LARS2: variants seen among roughly 807,000 people sequenced by gnomAD.
LARS2 encodes leucine--tRNA ligase, mitochondrial.
Under a neutral mutation model 116.6 loss-of-function variants are expected in LARS2, and 81 were observed. That is an observed-to-expected ratio of 0.69 (90% confidence interval 0.58 to 0.84). The LOEUF (loss-of-function observed/expected upper bound fraction) is 0.84. LARS2 is among the 40% of genes least tolerant of loss of function. The pLI is 0.00. For synonymous variants in LARS2, 396 were observed against 407.2 expected (o/e 0.97, Z 0.33); for missense variants, 968 against 1,114.5 (o/e 0.87, Z 1.87).
chr3:45,526,133 TA>T (rs1700527940), intron 20 of LARS2, among the ~76,000 whole-genome samples: 1 of 152,238 alleles, frequency 6.6e-6, no homozygotes, highest in African/African-American at 2.4e-5. Flanking sequence ...AGACAGTTTT[TA>T]AGTTTCTCAC....
intron 8 of LARS2, among the ~76,000 whole-genome samples, chr3:45,463,802 CAT>C (rs1466635791): frequency 6.6e-6 from 1 of 152,064 alleles, no homozygotes; most frequent in Non-Finnish European, 1.5e-5. Flanking sequence ...CAGTGGTAGA[CAT>C]GAGCTGTCAC....
chr3:45,458,787 T>C lies in LARS2; in HGVS notation c.651T>C (p.Asn217=), dbSNP rs201294362. 1.9e-6 allele frequency: 3 copies of C among 1,614,044 alleles called. No homozygotes were observed. The East Asian group carries it at 6.7e-5, about 36-fold the overall frequency. The change falls in exon 8 of 22, where the codon AAT becomes AAC. Residue 217 remains asparagine, a synonymous_variant. Coordinates refer to ENST00000645846, the MANE Select transcript of LARS2 (RefSeq NM_015340.4). ...WDPVDQTVLA[N]EQVDEHGCSW... is the part of the protein sequence containing the mutation. ...CAGTGGATCAAACAGTGCTTGCCAA[T>C]GAGCAGGTGGATGAACATGGCTGTT...
chr3:45,464,448 TTCTGC>T (rs1160226256), intron 8 of LARS2, among the ~76,000 whole-genome samples: 6 of 152,322 alleles, frequency 3.9e-5, no homozygotes, highest in African/African-American at 9.6e-5. Flanking sequence ...TTGCCTGGCT[TTCTGC>T]TCGTAACTTC....
At chr3:45,469,082 C>T (rs1256111622) in intron 8 of LARS2, among the ~76,000 whole-genome samples, 1 of 152,210 alleles carries the variant, frequency 6.6e-6, no homozygotes, top group Non-Finnish European at 1.5e-5. Flanking sequence ...ATATCATTAG[C>T]AGGATGCCTT....
intron 14 of LARS2, among the ~76,000 whole-genome samples, chr3:45,498,213 C>T (rs1193831276): frequency 6.6e-6 from 1 of 152,192 alleles, no homozygotes; most frequent in Non-Finnish European, 1.5e-5. Context: ...ATCCTGAGAC[C>T]GTCACAGCCC....
intron 10 of LARS2, among the ~76,000 whole-genome samples, chr3:45,478,354 C>T (rs926754524): frequency 3.9e-5 from 6 of 152,308 alleles, no homozygotes; most frequent in Non-Finnish European, 7.3e-5. Context: ...CTAGCCCTTA[C>T]ATTTTCTCTT....
chr3:45,501,320 C>G (rs1700117755), intron 15 of LARS2, among the ~76,000 whole-genome samples: 1 of 150,782 alleles, frequency 6.6e-6, no homozygotes, highest in Non-Finnish European at 1.5e-5. Context: ...ATTTTTAATT[C>G]CTCACTTTCT....
chr3:45,532,322 G>A (rs1344597041), intron 20 of LARS2, among the ~76,000 whole-genome samples: 2 of 152,152 alleles, frequency 1.3e-5, no homozygotes, highest in Non-Finnish European at 2.9e-5. Flanking sequence ...TTTACTTAAT[G>A]CCTATTGTCC....
intron 15 of LARS2, among the ~76,000 whole-genome samples, chr3:45,509,055 C>T (rs1700241581): frequency 2.0e-5 from 3 of 152,080 alleles, no homozygotes; most frequent in Admixed American, 1.3e-4. Flanking sequence ...TATAGCTGTG[C>T]TTCAGTGCAA....
In LARS2 at chr3:45,491,544, T is replaced by C; in HGVS notation, c.1267T>C (p.Phe423Leu). Reference protein sequence around the residue: ...EFTGMTRQDAFLALTQKARGK... With the variant: ...EFTGMTRQDALLALTQKARGK... ...CACAGGTATGACCCGGCAGGATGCT[T>C]TTCTAGCCCTGACTCAGAAAGCCCG... Residue 423 changes from phenylalanine (F) to leucine (L), a missense_variant, in exon 13 of 22, where the codon TTT becomes CTT. By Grantham distance (22) the Phe-to-Leu change is conservative. Transcript: ENST00000645846. The C allele has an allele frequency of 3.7e-6, 6 of 1,614,130 alleles. No individual in the cohort carries two copies. The highest frequency in any genetic ancestry group is 1.1e-5 in the South Asian group (1 of 91,078).
chr3:45,503,568 A>C (rs889097309), intron 15 of LARS2, among the ~76,000 whole-genome samples: 3 of 152,060 alleles, frequency 2.0e-5, no homozygotes, highest in Non-Finnish European at 4.4e-5. Context: ...TGCCAGCTCA[A>C]ATGTATTTTA....
At chr3:45,463,974 T>C (rs929422412) in intron 8 of LARS2, among the ~76,000 whole-genome samples, 5 of 152,176 alleles carry the variant, frequency 3.3e-5, no homozygotes, top group African/African-American at 4.8e-5. Context: ...GGAAACCTTA[T>C]TCTTCATCAA....
At chr3:45,439,461 C>A (rs908348039) in intron 6 of LARS2, among the ~76,000 whole-genome samples, 1 of 151,990 alleles carries the variant, frequency 6.6e-6, no homozygotes, top group African/African-American at 2.4e-5. Flanking sequence ...CCTCGTGATC[C>A]GCCCACCTTG....
intron 14 of LARS2, 95 bp downstream of exon 14, chr3:45,496,468 TG>T (rs1559487917): frequency 3.3e-6 from 3 of 920,310 alleles, no homozygotes; most frequent in Non-Finnish European, 3.5e-6. Context: ...AGAGATTTCT[TG>T]GGGGGAAATG....
intron 14 of LARS2, among the ~76,000 whole-genome samples, chr3:45,497,475 T>C (rs1428611344): frequency 1.3e-5 from 2 of 152,218 alleles, no homozygotes; most frequent in African/African-American, 4.8e-5. Context: ...CCCTGTTGCC[T>C]ACATATAAAA....
chr3:45,408,171 T>C (rs1211964861), intron 4 of LARS2, among the ~76,000 whole-genome samples: 2 of 152,350 alleles, frequency 1.3e-5, no homozygotes, highest in East Asian at 3.9e-4. Context: ...CCTGCATCTC[T>C]TTCTTCTACT....
chr3:45,485,149 G>T (rs532807506), intron 10 of LARS2, among the ~76,000 whole-genome samples: 1 of 152,172 alleles, frequency 6.6e-6, no homozygotes, highest in East Asian at 1.9e-4. Context: ...TCCTATGTCT[G>T]TCTCTTTCTT....
Position 45,393,187 on chromosome 3 carries a change from C to T in LARS2, c.-21-1246C>T, listed in dbSNP as rs149219761. ...TTGTATTTCAAAAAATAGCACTCAC[C>T]GTGACCACATGTTATATATTTTTGT... On this transcript the variant is annotated intron_variant, in intron 2 of 21. Coordinates refer to ENST00000645846, the MANE Select transcript of LARS2 (RefSeq NM_015340.4). 9.7e-3 allele frequency among the ~76,000 whole-genome samples: 1,479 copies of T among 152,276 alleles called. 24 individuals carry two copies. The highest frequency in any genetic ancestry group is 0.033 in the African/African-American group (1,357 of 41,526).
Position 45,514,804 on chromosome 3 carries a change from G to A in LARS2, c.1862-1290G>A, listed in dbSNP as rs1700347201. Among the ~76,000 whole-genome samples, 3 of 152,230 alleles carry A rather than the reference G, an allele frequency of 2.0e-5. 1 individual carries two copies. In the South Asian group the frequency reaches 6.2e-4, roughly 31 times the overall value. On this transcript the variant is annotated intron_variant, in intron 16 of 21. Transcript: ENST00000645846. ...AACAGTGTTTTAAGGTCTAGACACA[G>A]CCTGGGGCAGGGTAAAGGGGCCAGT...
Sources: allele counts gnomAD v4.1 joint callset (sites outside exome capture counted in the v4.1 genomes callset), GRCh38; gene constraint gnomAD v4.1.1; transcripts MANE v1.5; gene names NCBI Gene and HGNC (gene_info 2026-07-23, HGNC 2026-07-21).